SLC12A9: variants seen among roughly 807,000 people sequenced by gnomAD.
The protein encoded by SLC12A9 is solute carrier family 12 member 9.
In SLC12A9, 55 loss-of-function variants were observed where a neutral mutation model predicts 66.0. That is an observed-to-expected ratio of 0.83 (90% CI 0.67 to 1.04). The LOEUF (loss-of-function observed/expected upper bound fraction) is 1.04, where lower values mean the gene tolerates loss of function less well. Ranked by LOEUF, SLC12A9 falls within the 50% of genes least tolerant of loss-of-function variation. The probability of loss-of-function intolerance (pLI) is 0.00; values close to 1 mark genes in which losing one functional copy is unlikely to be tolerated. For synonymous variants in SLC12A9, 577 were observed against 569.0 expected (o/e 1.01, Z -0.20); for missense variants, 1,061 against 1,241.9 (o/e 0.85, Z 2.19).
rs1186375164 is a variant in SLC12A9, at chr7:100,834,818, A to AGATT, written n.228+7773_228+7776dup. Among the ~76,000 whole-genome samples the AGATT allele has an allele frequency of 4.6e-5, 7 of 152,252 alleles. No homozygotes were observed. The South Asian group carries it at 8.3e-4, about 18-fold the overall frequency. On this transcript the variant is annotated intron_variant and non_coding_transcript_variant, in intron 1 of 1. Transcript: ENST00000461016. ...AGCCCAGGAGGCAGAGGTTGTAGTG[A>AGATT]GATTGCACCACTGCATTCCAGTCTG...
chr7:100,858,593 A>AAAAT (rs1198989857), intron 5 of SLC12A9: 87 of 414,180 alleles, frequency 2.1e-4, no homozygotes, highest in African/African-American at 1.1e-3. Context: ...CTGTCTCTAA[A>AAAAT]AAATAAATAA....
intron 1 of SLC12A9, among the ~76,000 whole-genome samples, chr7:100,842,741 G>A (rs1028380177): frequency 2.6e-5 from 4 of 152,230 alleles, no homozygotes; most frequent in Non-Finnish European, 5.9e-5. Flanking sequence ...TTAAACAAAA[G>A]CAATTGTTAT....
chr7:100,834,804 C>T (rs1244973079), intron 1 of SLC12A9, among the ~76,000 whole-genome samples: 2 of 152,114 alleles, frequency 1.3e-5, no homozygotes, highest in Non-Finnish European at 2.9e-5. Context: ...GCCCAGGAGG[C>T]AGAGGTTGTA....
intron 13 of SLC12A9, among the ~76,000 whole-genome samples, chr7:100,864,989 G>T (rs935986392): frequency 3.3e-5 from 5 of 151,436 alleles, no homozygotes; most frequent in Non-Finnish European, 7.4e-5. Context: ...ATGGAGTCTC[G>T]CTCTGTTGCC....
Position 100,860,986 on chromosome 7 carries a change from T to G in SLC12A9, c.1219-152T>G, listed in dbSNP as rs527237286. ...TAGCATTTTGGGGGTTCATTGACACTTTGGGGGTGCACTGGCACTTTGCAG... is the reference window on the plus strand; with the variant it reads ...TAGCATTTTGGGGGTTCATTGACACGTTGGGGGTGCACTGGCACTTTGCAG... On this transcript the variant is annotated intron_variant, in intron 9 of 13. Coordinates refer to ENST00000354161, the MANE Select transcript of SLC12A9 (RefSeq NM_020246.4). 182 of 1,394,494 alleles carry G rather than the reference T, an allele frequency of 1.3e-4. 3 individuals are homozygous for G. The South Asian group carries it at 1.9e-3, about 15-fold the overall frequency. The allele number at this position is 1,394,494 out of a possible 1,614,324, so 86.4% of individuals were successfully genotyped here.
At chr7:100,830,030 A>G (rs1813511999) in intron 1 of SLC12A9, among the ~76,000 whole-genome samples, 1 of 151,498 alleles carries the variant, frequency 6.6e-6, no homozygotes, top group South Asian at 2.1e-4. Flanking sequence ...TCTGTCTCCA[A>G]AAAATATATA....
chr7:100,859,286 G>T, intron 7 of SLC12A9, 125 bp downstream of exon 7: 2 of 877,744 alleles, frequency 2.3e-6, no homozygotes, highest in Non-Finnish European at 1.8e-6. Context: ...GGTGGCTACC[G>T]GCGATTGACA....
chr7:100,841,177 T>C (rs2116525845), intron 1 of SLC12A9, among the ~76,000 whole-genome samples: 1 of 152,048 alleles, frequency 6.6e-6, no homozygotes, highest in South Asian at 2.1e-4. Context: ...AAGAAATATT[T>C]GTAATAAGTC....
rs778894461 is a variant in SLC12A9 at position 100,861,768 on chromosome 7, G to A, written c.1568G>A (p.Arg523Gln). 4 of 1,614,000 alleles carry A rather than the reference G, an allele frequency of 2.5e-6. No individual in the cohort carries two copies. The highest frequency in any genetic ancestry group is 2.5e-6 in the Non-Finnish European group (3 of 1,180,020). Residue 523 changes from arginine (R) to glutamine (Q), a missense_variant, in exon 12 of 14, where the codon CGG becomes CAG. Arg to Gln is a conservative substitution (Grantham distance 43). Coordinates refer to ENST00000354161, the MANE Select transcript of SLC12A9 (RefSeq NM_020246.4). The surrounding 1 kb of genome is among the most constrained non-coding windows in gnomAD (Gnocchi z 5.3). ...VRKYLLRLDV[R>Q]KDHVKFWRPQ... is the part of the protein sequence containing the mutation. ...AAGTATCTGCTTCGGCTGGACGTCC[G>A]GAAGGATCACGTGAAGTTCTGGCGG...
intron 6 of SLC12A9, 42 bp from the exon 7 acceptor site, chr7:100,859,008 G>C: frequency 6.2e-7 from 1 of 1,611,582 alleles, no homozygotes. Context: ...CCAGGGGGAT[G>C]GCTGGAGGGC....
upstream of SLC12A9, among the ~76,000 whole-genome samples, chr7:100,848,945 T>C (rs1354933547): frequency 6.7e-6 from 1 of 149,806 alleles, no homozygotes; most frequent in Non-Finnish European, 1.5e-5. Context: ...AGAGCTAGGA[T>C]AGACAACTAA....
upstream of SLC12A9, among the ~76,000 whole-genome samples, chr7:100,851,784 C>CAAAAAAAAAAA (rs66749400): frequency 6.7e-5 from 5 of 74,248 alleles, no homozygotes; most frequent in East Asian, 1.2e-3. Context: ...GTTCCTGGAT[C>CAAAAAAAAAAA]AAAAAAAAAA....
intron 1 of SLC12A9, among the ~76,000 whole-genome samples, chr7:100,838,151 G>T (rs1054926124): frequency 2.0e-5 from 3 of 151,862 alleles, no homozygotes; most frequent in Admixed American, 1.3e-4. Flanking sequence ...GTGAGCCACC[G>T]CACCCGGCTA....
intron 12 of SLC12A9, 77 bp from the exon 13 acceptor site, chr7:100,862,604 C>T: frequency 1.3e-6 from 2 of 1,559,824 alleles, no homozygotes; most frequent in Non-Finnish European, 1.8e-6. Flanking sequence ...CTGCCCAGGC[C>T]CGTCTGTGAT....
chr7:100,861,132 G>GC lies in SLC12A9; in HGVS notation c.1219-3dup. On this transcript the variant is annotated splice_polypyrimidine_tract_variant and splice_region_variant and intron_variant, in intron 9 of 13. Transcript: ENST00000354161. This position sits in a 1 kb window ranked among gnomAD's most constrained non-coding sequence, Gnocchi z 5.3. ...AACAACGGCACGCCTCTTGGCCCTT[G>GC]CCCAGCTGGTGCTCCTGGCTGGGAA... is the stretch of plus-strand genomic sequence containing the variant. The GC allele has an allele frequency of 6.2e-7, 1 of 1,614,172 alleles. No individual in the cohort carries two copies. Among genetic ancestry groups the GC allele is most frequent in the Non-Finnish European group, 8.5e-7 (1 of 1,180,014 alleles).
At chr7:100,848,470 C>T (rs372528690), upstream of SLC12A9, among the ~76,000 whole-genome samples, 52 of 150,374 alleles carry the variant, frequency 3.5e-4, no homozygotes, top group East Asian at 3.7e-3. Context: ...TGTACTCCAG[C>T]CTAGGCGACA....
intron 1 of SLC12A9, among the ~76,000 whole-genome samples, chr7:100,843,252 C>G (rs1014874174): frequency 3.9e-5 from 6 of 152,174 alleles, no homozygotes; most frequent in Non-Finnish European, 4.4e-5. Context: ...CCTTATGGGT[C>G]TTTTGACTCT....
Position 100,865,759 on chromosome 7 carries a change from T to A in SLC12A9, c.1899T>A (p.Asp633Glu), listed in dbSNP as rs1019511285. The A allele has an allele frequency of 1.4e-5, 22 of 1,613,608 alleles. No individual in the cohort carries two copies. The highest frequency in any genetic ancestry group is 1.8e-5 in the Non-Finnish European group (21 of 1,179,952). The change falls in exon 14 of 14, where the codon GAT becomes GAA. Residue 633 changes from aspartate (D) to glutamate (E), a missense_variant. Coordinates refer to ENST00000354161, the MANE Select transcript of SLC12A9 (RefSeq NM_020246.4). Reference protein sequence around the residue: ...KPNTLVLGFYDDAPPQDHFLT... With the variant: ...KPNTLVLGFYEDAPPQDHFLT... ...ACACGTTGGTCCTAGGTTTCTACGA[T>A]GACGCTCCACCGCAGGACCATTTCC...
intron 9 of SLC12A9, 160 bp from the exon 10 acceptor site, chr7:100,860,974 GTTCA>G: frequency 7.9e-7 from 1 of 1,266,666 alleles, no homozygotes; most frequent in Non-Finnish European, 1.1e-6. Flanking sequence ...CATTTTGGGG[GTTCA>G]TTGACACTTT....
Sources: allele counts gnomAD v4.1 joint callset (sites outside exome capture counted in the v4.1 genomes callset), GRCh38; gene constraint gnomAD v4.1.1; non-coding constraint Gnocchi (gnomAD v3.1); transcripts MANE v1.5; gene names NCBI Gene and HGNC (gene_info 2026-07-23, HGNC 2026-07-21).